CAMKMT: variants seen among roughly 807,000 people sequenced by gnomAD.
CAMKMT encodes the protein calmodulin-lysine N-methyltransferase.
In CAMKMT, 53 loss-of-function variants were observed where a neutral mutation model predicts 48.0. The ratio of observed to expected loss-of-function variants is 1.10; its 90% CI spans 0.89 to 1.39. The LOEUF (loss-of-function observed/expected upper bound fraction) is 1.39. Ranked by LOEUF, CAMKMT falls within the 40% of genes most tolerant of loss-of-function variation. The pLI is 0.00. For synonymous variants in CAMKMT, 165 were observed against 152.3 expected (o/e 1.08, Z -0.61); for missense variants, 428 against 402.7 (o/e 1.06, Z -0.54).
intron 3 of CAMKMT, among the ~76,000 whole-genome samples, chr2:44,494,234 A>T (rs2104721858): frequency 6.6e-6 from 1 of 152,356 alleles, no homozygotes; most frequent in East Asian, 1.9e-4. Flanking sequence ...ATGTCAGTAG[A>T]CATGAACGGG....
At chr2:44,760,698 T>C (rs945808118) in intron 9 of CAMKMT, among the ~76,000 whole-genome samples, 2 of 151,366 alleles carry the variant, frequency 1.3e-5, no homozygotes, top group Non-Finnish European at 2.9e-5. Context: ...CGGAGAGCCA[T>C]TGAAAGTTTT....
chr2:44,756,804 T>C (rs984152631), intron 9 of CAMKMT, among the ~76,000 whole-genome samples: 2 of 151,434 alleles, frequency 1.3e-5, no homozygotes, highest in Non-Finnish European at 2.9e-5. Flanking sequence ...GGCTACATGG[T>C]GGATCCTGAG....
intron 3 of CAMKMT, among the ~76,000 whole-genome samples, chr2:44,534,540 C>A (rs747509318): frequency 6.6e-6 from 1 of 152,134 alleles, no homozygotes; most frequent in South Asian, 2.1e-4. Flanking sequence ...AGTATCTTCT[C>A]AGATCACAAT....
chr2:44,466,306 G>T (rs752976546), intron 3 of CAMKMT, among the ~76,000 whole-genome samples: 25 of 152,138 alleles, frequency 1.6e-4, no homozygotes, highest in Non-Finnish European at 3.2e-4. Context: ...AATTTAAGTA[G>T]ATTGAAATCA....
At chr2:44,656,433 G>A (rs778714931) in intron 3 of CAMKMT, among the ~76,000 whole-genome samples, 4 of 152,030 alleles carry the variant, frequency 2.6e-5, no homozygotes, top group Non-Finnish European at 5.9e-5. Flanking sequence ...CTCAATAAGA[G>A]TGGATAAGGA....
intron 3 of CAMKMT, among the ~76,000 whole-genome samples, chr2:44,504,937 C>G (rs1670184602): frequency 6.6e-6 from 1 of 152,154 alleles, no homozygotes; most frequent in Admixed American, 6.5e-5. Context: ...GTGATGGCCT[C>G]CAGCTGCTTC....
intron 3 of CAMKMT, among the ~76,000 whole-genome samples, chr2:44,683,960 T>G (rs924520615): frequency 3.3e-5 from 5 of 152,140 alleles, no homozygotes; most frequent in African/African-American, 4.8e-5. Context: ...ATGGTATGAA[T>G]GTAGACTTCC....
chr2:44,409,784 GT>G (rs1336646191), intron 3 of CAMKMT, among the ~76,000 whole-genome samples: 1 of 151,880 alleles, frequency 6.6e-6, no homozygotes, highest in Non-Finnish European at 1.5e-5. Context: ...TTTTTTAATT[GT>G]CAAAATGCAG....
chr2:44,400,098 A>G (rs1301344403), intron 3 of CAMKMT, among the ~76,000 whole-genome samples: 1 of 152,148 alleles, frequency 6.6e-6, no homozygotes, highest in Non-Finnish European at 1.5e-5. Context: ...CCCAAGTCAT[A>G]CCCAAACAAA....
chr2:44,700,286 A>G (rs1677189916), intron 3 of CAMKMT, among the ~76,000 whole-genome samples: 1 of 152,224 alleles, frequency 6.6e-6, no homozygotes, highest in Admixed American at 6.5e-5. Context: ...CATATCAGCA[A>G]TAAGGCTGTT....
At chr2:44,652,915 T>G (rs1674168016) in intron 3 of CAMKMT, among the ~76,000 whole-genome samples, 1 of 152,196 alleles carries the variant, frequency 6.6e-6, no homozygotes, top group South Asian at 2.1e-4. Context: ...GGCCATATGC[T>G]TCTCCTCCTT....
intron 3 of CAMKMT, among the ~76,000 whole-genome samples, chr2:44,558,934 A>T (rs1239278054): frequency 7.1e-6 from 1 of 140,404 alleles, no homozygotes; most frequent in Non-Finnish European, 1.6e-5. Flanking sequence ...AACCTAAAAT[A>T]AAAGTCTGGA....
At chr2:44,443,261 A>T (rs1016654453) in intron 3 of CAMKMT, among the ~76,000 whole-genome samples, 7 of 152,192 alleles carry the variant, frequency 4.6e-5, no homozygotes, top group Non-Finnish European at 8.8e-5. Context: ...AGGGCTTTTC[A>T]TCTGACAAAG....
intron 3 of CAMKMT, among the ~76,000 whole-genome samples, chr2:44,520,605 TAGAGTC>T (rs1166174302): frequency 6.6e-6 from 1 of 152,214 alleles, no homozygotes; most frequent in Non-Finnish European, 1.5e-5. Flanking sequence ...GCAATGGACT[TAGAGTC>T]AGAGAATATG....
At chr2:44,584,987 G>A (rs765448847) in intron 3 of CAMKMT, among the ~76,000 whole-genome samples, 13 of 151,804 alleles carry the variant, frequency 8.6e-5, no homozygotes, top group Non-Finnish European at 1.2e-4. Context: ...CCCACGAGGC[G>A]GAGGTTGCAG....
chr2:44,387,538 C>T (rs1680891114), intron 2 of CAMKMT, among the ~76,000 whole-genome samples: 1 of 151,872 alleles, frequency 6.6e-6, no homozygotes, highest in East Asian at 1.9e-4. Flanking sequence ...TGTGAGGTAC[C>T]CTTGCATTAA....
chr2:44,389,041 A>G (rs949924395), intron 2 of CAMKMT, among the ~76,000 whole-genome samples: 5 of 152,058 alleles, frequency 3.3e-5, no homozygotes, highest in African/African-American at 4.8e-5. Flanking sequence ...ACGGAGAGGA[A>G]CTGGTGGTGG....
intron 3 of CAMKMT, among the ~76,000 whole-genome samples, chr2:44,515,365 C>G (rs775004287): frequency 1.2e-4 from 18 of 152,030 alleles, no homozygotes; most frequent in Non-Finnish European, 2.4e-4. Flanking sequence ...AAAACTCAGT[C>G]AAAATGCTTA....
chr2:44,426,939 A>T (rs1684314486), intron 3 of CAMKMT, among the ~76,000 whole-genome samples: 1 of 152,200 alleles, frequency 6.6e-6, no homozygotes, highest in Non-Finnish European at 1.5e-5. Context: ...GGGCTACAGT[A>T]ACCAAAACAG....
Sources: allele counts gnomAD v4.1 joint callset (sites outside exome capture counted in the v4.1 genomes callset), GRCh38; gene constraint gnomAD v4.1.1; transcripts MANE v1.5; gene names NCBI Gene and HGNC (gene_info 2026-07-23, HGNC 2026-07-21).